The following CASKIN1 variants were observed in gnomAD, a reference collection of about 807,000 sequenced individuals.
CASKIN1 encodes the protein caskin-1.
A neutral mutation model predicts 117.5 loss-of-function variants in CASKIN1; 42 were observed. The observed-to-expected ratio is 0.36, with a 90% CI of 0.28 to 0.46. CASKIN1 has a LOEUF of 0.46. Ranked by LOEUF, CASKIN1 falls within the 20% of genes least tolerant of loss-of-function variation. CASKIN1 has a pLI of 1.00. For synonymous variants in CASKIN1, 1,148 were observed against 961.7 expected (o/e 1.19, Z -3.59); for missense variants, 2,083 against 2,077.3 (o/e 1.00, Z -0.05).
In CASKIN1 at chr16:2,185,012, C is replaced by T; in HGVS notation, c.1263G>A (p.Gln421=). The T allele has an allele frequency of 6.2e-7, 1 of 1,609,626 alleles. No individual in the cohort carries two copies. Among genetic ancestry groups the T allele is most frequent in the Non-Finnish European group, 8.5e-7 (1 of 1,177,048 alleles). ...GVKLLATVLS[Q]KSVSESGPGD... Reference sequence around the variant, plus strand: ...CCGGGCCGGACTCAGAGACGGACTTCTGGGAAAGCACCGTTGCCAGGAGCT... The same window carrying T: ...CCGGGCCGGACTCAGAGACGGACTTTTGGGAAAGCACCGTTGCCAGGAGCT... Residue 421 remains glutamine (Q), a synonymous_variant, in exon 13 of 20, where the codon CAG becomes CAA. Transcript: ENST00000343516.
rs751009002 is a variant in CASKIN1, at chr16:2,189,038, G to C, written c.606C>G (p.Ile202Met). ...PLHLAAKNGH[I>M]DIIRLLLQAG... ...GCTACCGGCTCTACCTGATGATGTCGATGTGGCCGTTTTTAGCTGCGAGGT... is the reference window on the plus strand; with the variant it reads ...GCTACCGGCTCTACCTGATGATGTCCATGTGGCCGTTTTTAGCTGCGAGGT... Residue 202 changes from isoleucine to methionine, a missense_variant, in exon 6 of 20, where the codon ATC (isoleucine) becomes ATG (methionine). By Grantham distance (10) the Ile-to-Met change is conservative. Transcript: ENST00000343516. 6.2e-7 allele frequency: 1 copy of C among 1,612,888 alleles called. No individual in the cohort carries two copies. The highest frequency in any genetic ancestry group is 1.1e-5 in the South Asian group (1 of 90,996).
At position 2,180,312 on chromosome 16, in the gene CASKIN1, GC is replaced by G; in HGVS notation, c.3055del (p.Ala1019LeufsTer29). 1 of 1,593,126 alleles carries G rather than the reference GC, an allele frequency of 6.3e-7. No homozygotes were observed. Among genetic ancestry groups the G allele is most frequent in the South Asian group, 1.1e-5 (1 of 89,174 alleles). On this transcript the variant is annotated frameshift_variant, in exon 18 of 20. Transcript: ENST00000343516. LOFTEE classifies it high-confidence loss of function. ...ELSSIGGGGR[A>X]ARRPPEGHPT... is the part of the protein sequence containing the mutation. ...GTGGCCCTCAGGAGGCCTGCGGGCA[GC>G]CCGGCCCCCACCCCCAATGGAGGAC... is the stretch of plus-strand genomic sequence containing the variant.
At position 2,196,229 on chromosome 16, in the gene CASKIN1, C is replaced by T. The variant is rs1031275227; in HGVS notation, c.94+110G>A. 4 of 306,152 alleles carry T rather than the reference C, an allele frequency of 1.3e-5. No individual in the cohort carries two copies. The highest frequency in any genetic ancestry group is 2.2e-5 in the Non-Finnish European group (4 of 183,062). 19.0% of individuals were successfully genotyped at this position (306,152 alleles called of 1,614,324 possible). On this transcript the variant is annotated intron_variant, in intron 1 of 19. Coordinates refer to ENST00000343516, the MANE Select transcript of CASKIN1 (RefSeq NM_020764.4). The surrounding 1 kb of genome is among the most constrained non-coding windows in gnomAD (Gnocchi z 5.7). ...TCTGGGCGCTGCTGGCCCCGCCCCG[C>T]CCCCGGGGACCCGACAACGTCCCCT...
At chr16:2,188,805 AGCG>A (rs2093192337) in intron 6 of CASKIN1, 1 of 589,128 alleles carries the variant, frequency 1.7e-6, no homozygotes, top group Non-Finnish European at 2.9e-6. Context: ...CACACCCAGG[AGCG>A]GTGGGGCTGG....
rs184342412 is a variant in CASKIN1, at chr16:2,182,936, A to G, written c.1629+710T>C. ...CTCCCAAGTAGCTGGGACTATAGGCACCCGCCACCACGCCTGGCCAATTTT... is the reference window on the plus strand; with the variant it reads ...CTCCCAAGTAGCTGGGACTATAGGCGCCCGCCACCACGCCTGGCCAATTTT... On this transcript the variant is annotated intron_variant, in intron 16 of 19. Coordinates refer to ENST00000343516, the MANE Select transcript of CASKIN1 (RefSeq NM_020764.4). The surrounding 1 kb of genome is among the most constrained non-coding windows in gnomAD (Gnocchi z 4.1). 2.1e-4 allele frequency among the ~76,000 whole-genome samples: 32 copies of G among 152,174 alleles called. No homozygotes were observed. Among genetic ancestry groups the G allele is most frequent in the African/African-American group, 6.0e-4 (25 of 41,524 alleles).
At chr16:2,195,896 C>T (rs2093214249) in intron 1 of CASKIN1, among the ~76,000 whole-genome samples, 1 of 151,804 alleles carries the variant, frequency 6.6e-6, no homozygotes, top group Non-Finnish European at 1.5e-5. Flanking sequence ...GGGAGGGGGT[C>T]TGCTAGGGAC....
chr16:2,182,041 G>T lies in CASKIN1; in HGVS notation c.1630-112C>A. Reference sequence around the variant, plus strand: ...GGGCCAGCAGGGCACAGACAGACAGGAGGACAAACGGATAGGCCGAGGTAT... The same window carrying T: ...GGGCCAGCAGGGCACAGACAGACAGTAGGACAAACGGATAGGCCGAGGTAT... On this transcript the variant is annotated intron_variant, in intron 16 of 19. Transcript: ENST00000343516. The surrounding 1 kb of genome is among the most constrained non-coding windows in gnomAD (Gnocchi z 4.1). 1 of 1,470,968 alleles carries T rather than the reference G, an allele frequency of 6.8e-7. No homozygotes were observed. Among genetic ancestry groups the T allele is most frequent in the South Asian group, 1.2e-5 (1 of 82,014 alleles). 91.1% of individuals were successfully genotyped at this position (1,470,968 alleles called of 1,614,324 possible). A position where few individuals can be genotyped will look rare whatever the true frequency, so the allele number is the denominator to read the frequency against.
intron 1 of CASKIN1, among the ~76,000 whole-genome samples, chr16:2,195,970 G>C (rs868584060): frequency 1.5e-4 from 22 of 146,730 alleles, no homozygotes; most frequent in African/African-American, 5.5e-4. Flanking sequence ...TGCGTGTGGT[G>C]GGTGGGGGGG....
intron 6 of CASKIN1, 39 bp downstream of exon 6, chr16:2,188,988 G>T (rs2093192952): frequency 3.2e-6 from 5 of 1,582,618 alleles, no homozygotes; most frequent in Non-Finnish European, 4.3e-6. Context: ...TGAACCCTGG[G>T]GACCCTAAGG....
chr16:2,181,872 C>T lies in CASKIN1; in HGVS notation c.1687G>A (p.Val563Met). The T allele has an allele frequency of 6.2e-7, 1 of 1,613,852 alleles. No individual in the cohort carries two copies. The highest frequency in any genetic ancestry group is 8.5e-7 in the Non-Finnish European group (1 of 1,179,996). ...IGLAQYYKVLVDNGYENIDFI... is the reference protein window; with the variant it reads ...IGLAQYYKVLMDNGYENIDFI... Reference sequence around the variant, plus strand: ...TCAATGTTCTCGTAGCCATTGTCCACCAACACCTTGTAGTACTGGGCCAGG... The same window carrying T: ...TCAATGTTCTCGTAGCCATTGTCCATCAACACCTTGTAGTACTGGGCCAGG... Residue 563 changes from valine (V) to methionine (M), a missense_variant, in exon 17 of 20, where the codon GTG (valine) becomes ATG (methionine). Transcript: ENST00000343516.
Position 2,180,168 on chromosome 16 carries a change from C to G in CASKIN1, c.3200G>C (p.Ser1067Thr), listed in dbSNP as rs1412228834. Residue 1067 changes from serine (S) to threonine (T), a missense_variant, in exon 18 of 20, where the codon AGC (serine) becomes ACC (threonine). Around this residue, in one of 3 missense-constraint regions of CASKIN1, gnomAD observed 1,818 missense variants for 1,688.9 expected, o/e 1.08. Transcript: ENST00000343516. ...GGCCAGAAGTCCGGTGACTGGCCCG[C>G]TGAGCGTGCGGCGCCGGTTCACCAC... Reference protein sequence around the residue: ...GEVVNRRRTLSGPVTGLLATA... With the variant: ...GEVVNRRRTLTGPVTGLLATA... The G allele has an allele frequency of 7.7e-6, 12 of 1,552,318 alleles. No individual in the cohort carries two copies. Among genetic ancestry groups the G allele is most frequent in the Non-Finnish European group, 9.6e-6 (11 of 1,148,822 alleles).
chr16:2,181,900 G>A lies in CASKIN1; in HGVS notation c.1659C>T (p.Ile553=), dbSNP rs377489932. 19 of 1,613,708 alleles carry A rather than the reference G, an allele frequency of 1.2e-5. No individual in the cohort carries two copies. Among genetic ancestry groups the A allele is most frequent in the African/African-American group, 2.7e-5 (2 of 75,042 alleles). ...ACACCTTGTAGTACTGGGCCAGGCC[G>A]ATCATGGACAGCCACACGGCCAGGT... ...PANLAVWLSM[I]GLAQYYKVLV... is the part of the protein sequence containing the mutation. Residue 553 remains isoleucine, a synonymous_variant, in exon 17 of 20, where the codon ATC becomes ATT. Transcript: ENST00000343516.
At chr16:2,185,262 C>G (rs2093180585) in intron 11 of CASKIN1, 45 bp downstream of exon 11, 1 of 1,599,312 alleles carries the variant, frequency 6.3e-7, no homozygotes, top group African/African-American at 1.3e-5. Flanking sequence ...ACGGTGGTGC[C>G]TTGTGGAAGT....
chr16:2,179,646 C>A lies in CASKIN1; in HGVS notation c.3722G>T (p.Gly1241Val). The change falls in exon 18 of 20, where the codon GGC becomes GTC. Residue 1241 changes from glycine to valine, a missense_variant. Transcript: ENST00000343516. The surrounding 1 kb of genome is among the most constrained non-coding windows in gnomAD (Gnocchi z 5.8). ...CTTCTTGGAGGTGGGTGTGGGCGAG[C>A]CCTGGAGCTTGGGCACAGGCTGCGT... ...VLTQPVPKLQ[G>V]SPTPTSKKVP... 6.7e-7 allele frequency: 1 copy of A among 1,497,876 alleles called. No individual in the cohort carries two copies. The highest frequency in any genetic ancestry group is 8.8e-7 in the Non-Finnish European group (1 of 1,130,056). 92.8% of individuals were successfully genotyped at this position (1,497,876 alleles called of 1,614,324 possible).
rs1197477684 is a variant in CASKIN1, at chr16:2,181,072, C to G, written c.2296G>C (p.Val766Leu). 1 of 1,487,230 alleles carries G rather than the reference C, an allele frequency of 6.7e-7. No homozygotes were observed. Among genetic ancestry groups the G allele is most frequent in the South Asian group, 1.4e-5 (1 of 72,320 alleles). The allele number at this position is 1,487,230 out of a possible 1,614,324, so 92.1% of individuals were successfully genotyped here. The change falls in exon 18 of 20, where the codon GTC (valine) becomes CTC (leucine). Residue 766 changes from valine (V) to leucine (L), a missense_variant. Val to Leu is a conservative substitution (Grantham distance 32, BLOSUM62 1). Transcript: ENST00000343516. ...AAGTGGCTAGTGCCTGGTGGGAGGA[C>G]CTGCCGTGGCTTGCCAGGCACGGGG... ...VPPVPGKPRQ[V>L]LPPGTSHFTP...
rs753965195 is a variant in CASKIN1, at chr16:2,189,420, A to G, written c.389T>C (p.Val130Ala). Residue 130 changes from valine to alanine, a missense_variant and splice_region_variant, in exon 4 of 20, where the codon GTG becomes GCG. Val to Ala is a moderately conservative substitution (Grantham distance 64). Around this residue, in one of 3 missense-constraint regions of CASKIN1, gnomAD observed 203 missense variants for 338.7 expected, o/e 0.60. Transcript: ENST00000343516. The part of the protein sequence containing the change: ...HLAAQHGHYD[V>A]SEMLLQHQSN... ...GCCCCGCCCCCGCTCGGGCCTCACC[A>G]CATCATAGTGACCATGCTGGGCCGC... The G allele has an allele frequency of 4.3e-6, 7 of 1,611,146 alleles. No homozygotes were observed. In the African/African-American group the frequency reaches 5.3e-5, roughly 12 times the overall value.
Position 2,179,065 on chromosome 16 carries a change from C to T in CASKIN1, c.4036G>A (p.Ala1346Thr), listed in dbSNP as rs1297316535. 3.0e-6 allele frequency: 3 copies of T among 989,498 alleles called. No homozygotes were observed. Among genetic ancestry groups the T allele is most frequent in the Non-Finnish European group, 3.6e-6 (3 of 834,802 alleles). 61.3% of individuals were successfully genotyped at this position (989,498 alleles called of 1,614,324 possible). Residue 1346 changes from alanine (A) to threonine (T), a missense_variant, in exon 19 of 20, where the codon GCC becomes ACC. Physicochemically the swap from Ala to Thr is moderately conservative, Grantham distance 58 (BLOSUM62 0). This residue lies in a region of CASKIN1 where 1,818 missense variants were observed against 1,688.9 expected (regional missense o/e 1.08). Coordinates refer to ENST00000343516, the MANE Select transcript of CASKIN1 (RefSeq NM_020764.4). This position sits in a 1 kb window ranked among gnomAD's most constrained non-coding sequence, Gnocchi z 5.8. ...GCGGCGGCGGCGGCGGCGGCGGCGG[C>T]GGCTCGCGGGGGCTTGGCGGGCACG... The part of the protein sequence containing the change: ...LHVPAKPPRA[A>T]AAAAAAAAAP...
chr16:2,179,461 G>A lies in CASKIN1; in HGVS notation c.3775+132C>T, dbSNP rs1194387442. On this transcript the variant is annotated intron_variant, in intron 18 of 19. Transcript: ENST00000343516. The surrounding 1 kb of genome is among the most constrained non-coding windows in gnomAD (Gnocchi z 5.8). Reference sequence around the variant, plus strand: ...CTTGCCCCCAGCCCTGGATGGATGAGAGGGTCTGGGGACACGTTCCCACCC... The same window carrying A: ...CTTGCCCCCAGCCCTGGATGGATGAAAGGGTCTGGGGACACGTTCCCACCC... The A allele has an allele frequency of 2.9e-6, 4 of 1,382,270 alleles. No individual in the cohort carries two copies. Among genetic ancestry groups the A allele is most frequent in the Non-Finnish European group, 1.9e-6 (2 of 1,072,226 alleles). The allele number at this position is 1,382,270 out of a possible 1,614,324, so 85.6% of individuals were successfully genotyped here.
At position 2,180,566 on chromosome 16, in the gene CASKIN1, C is replaced by G; in HGVS notation, c.2802G>C (p.Gln934His). The change falls in exon 18 of 20, where the codon CAG becomes CAC. Residue 934 changes from glutamine to histidine, a missense_variant. By Grantham distance (24) the Gln-to-His change is conservative (BLOSUM62 0). This residue lies in a region of CASKIN1 where 1,818 missense variants were observed against 1,688.9 expected (regional missense o/e 1.08). Coordinates refer to ENST00000343516, the MANE Select transcript of CASKIN1 (RefSeq NM_020764.4). The stretch of plus-strand genomic sequence containing the variant: ...TCTTTCGGGGCCGCACGGCAAAGGA[C>G]TGGCTGCGGTTGACGTTCTTGTCGG... ...AGADKNVNRS[Q>H]SFAVRPRKKG... 6.4e-7 allele frequency: 1 copy of G among 1,562,630 alleles called. No individual in the cohort carries two copies. Among genetic ancestry groups the G allele is most frequent in the Non-Finnish European group, 8.6e-7 (1 of 1,160,968 alleles).
Sources: gnomAD v4.1 joint callset for allele counts (sites outside exome capture counted in the v4.1 genomes callset) on GRCh38, gnomAD v4.1.1 for gene constraint, gnomAD v4.1.1 regional missense constraint, Gnocchi (gnomAD v3.1) non-coding constraint, MANE v1.5 for transcripts, NCBI Gene and HGNC (gene_info 2026-07-23, HGNC 2026-07-21) for gene names.